The following TBC1D19 variants were observed in gnomAD, a reference collection of about 807,000 sequenced individuals.
TBC1D19 encodes the protein TBC1 domain family, member 19.
TBC1D19 carries 60 observed loss-of-function variants against 89.0 expected under a neutral mutation model. That is an observed-to-expected ratio of 0.67 (90% confidence interval 0.55 to 0.84). TBC1D19 has a LOEUF of 0.84. TBC1D19 is among the 40% of genes least tolerant of loss of function. The pLI, the probability that TBC1D19 is intolerant of heterozygous loss-of-function variation, is 0.00. For synonymous variants in TBC1D19, 189 were observed against 199.7 expected (o/e 0.95, Z 0.45); for missense variants, 500 against 610.8 (o/e 0.82, Z 1.91).
chr4:26,816,918 A>T, the TBC1D19 span, among the ~76,000 whole-genome samples: 1 of 152,192 alleles, frequency 6.6e-6, no homozygotes, highest in African/African-American at 2.4e-5. Flanking sequence ...AAATTTTTTT[A>T]AAGTTAAAAA....
chr4:26,579,853 T>C (rs1157932210), upstream of TBC1D19, among the ~76,000 whole-genome samples: 1 of 152,146 alleles, frequency 6.6e-6, no homozygotes, highest in Non-Finnish European at 1.5e-5. Flanking sequence ...GGACAAGATA[T>C]TTGGAATTGC....
At chr4:26,808,704 G>A in the TBC1D19 span, among the ~76,000 whole-genome samples, 381 of 147,732 alleles carry the variant, frequency 2.6e-3, 3 homozygotes, top group African/African-American at 9.2e-3. Flanking sequence ...ACTCCAGCCT[G>A]GCGACAGAGC....
chr4:26,847,296 G>T, the TBC1D19 span, among the ~76,000 whole-genome samples: 1 of 152,190 alleles, frequency 6.6e-6, no homozygotes, highest in African/African-American at 2.4e-5. Context: ...GAAGGCCAAT[G>T]CAGGCATGGA....
the TBC1D19 span, among the ~76,000 whole-genome samples, chr4:26,806,169 C>T: frequency 6.6e-6 from 1 of 151,914 alleles, no homozygotes; most frequent in Admixed American, 6.6e-5. Flanking sequence ...CTGTCTGGAA[C>T]ACTTGCCTAC....
chr4:26,851,979 T>G, the TBC1D19 span, among the ~76,000 whole-genome samples: 2 of 152,286 alleles, frequency 1.3e-5, no homozygotes, highest in African/African-American at 4.8e-5. Flanking sequence ...GTTGTCCATA[T>G]GCTGGTGACT....
At chr4:26,845,124 G>T in the TBC1D19 span, among the ~76,000 whole-genome samples, 1 of 152,198 alleles carries the variant, frequency 6.6e-6, no homozygotes, top group Non-Finnish European at 1.5e-5. Flanking sequence ...GAAGGTGGTG[G>T]AGATGAGATA....
intron 12 of TBC1D19, among the ~76,000 whole-genome samples, chr4:26,684,657 C>T (rs1363814319): frequency 6.6e-6 from 1 of 151,930 alleles, no homozygotes; most frequent in Non-Finnish European, 1.5e-5. Context: ...TAATATTAGG[C>T]AGTTTAAAAG....
chr4:26,797,861 G>T, the TBC1D19 span, among the ~76,000 whole-genome samples: 1 of 152,080 alleles, frequency 6.6e-6, no homozygotes, highest in South Asian at 2.1e-4. Context: ...AATGAACCTG[G>T]ATCCCTATCT....
chr4:26,593,532 T>C (rs1389442096), intron 1 of TBC1D19, among the ~76,000 whole-genome samples: 1 of 152,142 alleles, frequency 6.6e-6, no homozygotes, highest in African/African-American at 2.4e-5. Flanking sequence ...CAAAAGAAAC[T>C]ACCGTCAGAG....
chr4:26,625,008 C>T (rs1433727245), intron 4 of TBC1D19, among the ~76,000 whole-genome samples: 2 of 151,936 alleles, frequency 1.3e-5, no homozygotes, highest in Non-Finnish European at 2.9e-5. Context: ...ACTTTGTATT[C>T]AGTAAAACAC....
At chr4:26,695,496 G>T (rs745726318) in intron 13 of TBC1D19, among the ~76,000 whole-genome samples, 20 of 152,020 alleles carry the variant, frequency 1.3e-4, no homozygotes, top group Non-Finnish European at 2.6e-4. Flanking sequence ...TCAAATTAAG[G>T]AAATACAGAG....
chr4:26,664,085 G>A (rs1051480567), intron 8 of TBC1D19, among the ~76,000 whole-genome samples: 1 of 152,194 alleles, frequency 6.6e-6, no homozygotes, highest in Non-Finnish European at 1.5e-5. Context: ...GTGCAAATGT[G>A]TGTAAGAGAC....
intron 7 of TBC1D19, among the ~76,000 whole-genome samples, chr4:26,654,461 C>A (rs1172793031): frequency 1.3e-5 from 2 of 152,170 alleles, no homozygotes; most frequent in African/African-American, 2.4e-5. Context: ...TAATATCCTG[C>A]AGAGTGTTTT....
chr4:26,855,161 G>C, the TBC1D19 span, among the ~76,000 whole-genome samples: 1 of 152,138 alleles, frequency 6.6e-6, no homozygotes, highest in Non-Finnish European at 1.5e-5. Context: ...TGAAGGAATT[G>C]TTGAAGGAAA....
chr4:26,717,154 T>C (rs1264564411), intron 13 of TBC1D19, among the ~76,000 whole-genome samples: 1 of 152,116 alleles, frequency 6.6e-6, no homozygotes, highest in East Asian at 1.9e-4. Context: ...CCTTCACTCT[T>C]GCTGCTAGTT....
At chr4:26,791,719 T>C in the TBC1D19 span, among the ~76,000 whole-genome samples, 1 of 152,216 alleles carries the variant, frequency 6.6e-6, no homozygotes, top group Non-Finnish European at 1.5e-5. Context: ...TAAAGACTCA[T>C]GGCTTGAAGC....
chr4:26,750,728 C>T (rs1043372981), intron 19 of TBC1D19, among the ~76,000 whole-genome samples: 4 of 152,124 alleles, frequency 2.6e-5, no homozygotes, highest in African/African-American at 7.2e-5. Flanking sequence ...AATTCTGGAA[C>T]ATCTAGAAAT....
At chr4:26,783,741 G>A in the TBC1D19 span, among the ~76,000 whole-genome samples, 10 of 152,204 alleles carry the variant, frequency 6.6e-5, no homozygotes, top group South Asian at 4.1e-4. Context: ...AGGAGGATGC[G>A]GGTGGGGATG....
the TBC1D19 span, among the ~76,000 whole-genome samples, chr4:26,847,462 G>A: frequency 6.6e-6 from 1 of 152,178 alleles, no homozygotes; most frequent in Non-Finnish European, 1.5e-5. Flanking sequence ...GTTCTAGGCA[G>A]AAGGAAAAGC....
Sources: gnomAD v4.1 joint callset for allele counts (sites outside exome capture counted in the v4.1 genomes callset) on GRCh38, gnomAD v4.1.1 for gene constraint, MANE v1.5 for transcripts, NCBI Gene and HGNC (gene_info 2026-07-23, HGNC 2026-07-21) for gene names.